Variants in CAST observed in about 807,000 individuals in gnomAD.
The protein encoded by CAST is calpastatin.
CAST carries 76 observed loss-of-function variants against 119.6 expected under a neutral mutation model. That is an observed-to-expected ratio of 0.64 (90% CI 0.53 to 0.77). The LOEUF is 0.77. Ranked by LOEUF, CAST falls within the 30% of genes least tolerant of loss-of-function variation. The pLI is 0.00. For synonymous variants in CAST, 319 were observed against 331.6 expected, an observed-to-expected ratio of 0.96 and a Z score of 0.41; for missense variants, 953 against 946.5, an observed-to-expected ratio of 1.01 and a Z score of -0.09.
chr5:96,654,532 C>G (rs1748132686), intron 1 of CAST, among the ~76,000 whole-genome samples: 2 of 152,110 alleles, frequency 1.3e-5, no homozygotes, highest in African/African-American at 4.8e-5. Flanking sequence ...ATATTTTAAT[C>G]TGAGAAGTAA....
intron 1 of CAST, among the ~76,000 whole-genome samples, chr5:96,673,252 C>CT (rs1296634964): frequency 6.6e-6 from 1 of 152,152 alleles, no homozygotes; most frequent in East Asian, 1.9e-4. Flanking sequence ...TTGGTCATCT[C>CT]TGTCTTTCTA....
At chr5:96,236,436 A>C in the CAST span, among the ~76,000 whole-genome samples, 1 of 151,982 alleles carries the variant, frequency 6.6e-6, no homozygotes, top group Non-Finnish European at 1.5e-5. Context: ...TCACTACTTA[A>C]ATTTGTCTCT....
the CAST span, among the ~76,000 whole-genome samples, chr5:96,343,733 G>A: frequency 2.6e-5 from 4 of 152,152 alleles, no homozygotes; most frequent in African/African-American, 4.8e-5. Flanking sequence ...AATTTAATTG[G>A]CATTATTTTT....
the CAST span, among the ~76,000 whole-genome samples, chr5:96,452,956 C>CAAAAAAAAA: frequency 4.8e-4 from 30 of 62,690 alleles, 2 homozygotes; most frequent in African/African-American, 2.9e-3. Flanking sequence ...GACTCCGTCT[C>CAAAAAAAAA]AAAAAAAAAA....
the CAST span, among the ~76,000 whole-genome samples, chr5:96,172,141 G>A: frequency 0.025 from 3,815 of 152,334 alleles, 173 homozygotes; most frequent in African/African-American, 0.087. Context: ...TACAGTCAAA[G>A]GGGGTTGTTC....
At chr5:96,323,101 T>C in the CAST span, among the ~76,000 whole-genome samples, 13 of 152,306 alleles carry the variant, frequency 8.5e-5, no homozygotes, top group African/African-American at 2.9e-4. Flanking sequence ...GCTCTGACCC[T>C]TCAGTTCCAT....
chr5:96,662,264 C>G (rs999071720), upstream of CAST: 3 of 891,454 alleles, frequency 3.4e-6, no homozygotes, highest in Non-Finnish European at 3.0e-6. Flanking sequence ...GGAACCCCGG[C>G]GCAGACCTGG....
the CAST span, among the ~76,000 whole-genome samples, chr5:96,049,715 A>T: frequency 2.0e-5 from 3 of 152,062 alleles, no homozygotes; most frequent in Non-Finnish European, 4.4e-5. Flanking sequence ...TGGGATGCAC[A>T]TGGAGATGCC....
the CAST span, among the ~76,000 whole-genome samples, chr5:96,262,210 G>A: frequency 6.6e-6 from 1 of 152,146 alleles, no homozygotes; most frequent in Non-Finnish European, 1.5e-5. Context: ...TTCCTGAGAG[G>A]GAGTGAAAAG....
At chr5:96,742,894 G>A in intron 16 of CAST, 138 bp downstream of exon 16, 1 of 662,002 alleles carries the variant, frequency 1.5e-6, no homozygotes, top group South Asian at 1.8e-5. Context: ...CTTATTTATT[G>A]CTGAGTGGTT....
At chr5:96,524,562 G>A (rs1463012392), upstream of CAST, among the ~76,000 whole-genome samples, 2 of 152,156 alleles carry the variant, frequency 1.3e-5, no homozygotes, top group African/African-American at 2.4e-5. Flanking sequence ...GTTATGGCCC[G>A]GGAAGTGGGA....
the CAST span, among the ~76,000 whole-genome samples, chr5:96,405,237 C>A: frequency 1.3e-5 from 2 of 152,174 alleles, no homozygotes; most frequent in African/African-American, 4.8e-5. Flanking sequence ...GAATTAAATT[C>A]TTATGATAAG....
At chr5:96,561,603 C>G (rs1255405669) in intron 1 of CAST, among the ~76,000 whole-genome samples, 3 of 151,422 alleles carry the variant, frequency 2.0e-5, no homozygotes, top group African/African-American at 4.9e-5. Flanking sequence ...AGGAGGAATA[C>G]CTAATGTAGA....
chr5:96,554,505 C>T (rs1746195438), intron 1 of CAST, among the ~76,000 whole-genome samples: 1 of 152,168 alleles, frequency 6.6e-6, no homozygotes, highest in African/African-American at 2.4e-5. Context: ...GCAAAGACTT[C>T]ATGTCTAAAA....
chr5:96,046,538 C>A, the CAST span, among the ~76,000 whole-genome samples: 7 of 152,138 alleles, frequency 4.6e-5, no homozygotes, highest in African/African-American at 1.7e-4. Flanking sequence ...AAAGACATGC[C>A]CTAAGTGTGT....
intron 28 of CAST, 109 bp downstream of exon 28, chr5:96,767,591 T>C (rs937479212): frequency 2.3e-5 from 18 of 778,046 alleles, no homozygotes; most frequent in Non-Finnish European, 3.5e-5. Context: ...CTGTGCCTGG[T>C]ACTTTGTCAA....
At chr5:96,261,828 A>G in the CAST span, among the ~76,000 whole-genome samples, 1 of 152,248 alleles carries the variant, frequency 6.6e-6, no homozygotes, top group Admixed American at 6.5e-5. Flanking sequence ...CATATTGGAC[A>G]GTGCAGGTCT....
the CAST span, among the ~76,000 whole-genome samples, chr5:96,387,147 C>G: frequency 2.6e-5 from 4 of 152,222 alleles, no homozygotes; most frequent in East Asian, 7.7e-4. Context: ...GTGGTAGAGC[C>G]TGGATTCAGA....
the CAST span, among the ~76,000 whole-genome samples, chr5:96,158,738 G>C: frequency 6.6e-6 from 1 of 152,210 alleles, no homozygotes; most frequent in Non-Finnish European, 1.5e-5. Flanking sequence ...ATCAGATGTG[G>C]ATGCTGTGGC....
Sources: allele counts gnomAD v4.1 joint callset (sites outside exome capture counted in the v4.1 genomes callset), GRCh38; gene constraint gnomAD v4.1.1; transcripts MANE v1.5; gene names NCBI Gene and HGNC (gene_info 2026-07-23, HGNC 2026-07-21).